SLC2A1: variants seen among roughly 807,000 people sequenced by gnomAD.
SLC2A1 encodes the protein solute carrier family 2, facilitated glucose transporter member 1.
In SLC2A1, 4 loss-of-function variants were observed where a neutral mutation model predicts 46.6. The observed-to-expected ratio is 0.09, with a 90% confidence interval of 0.04 to 0.20. The LOEUF (loss-of-function observed/expected upper bound fraction) is 0.20, where lower values mean the gene tolerates loss of function less well. SLC2A1 is among the 10% of genes least tolerant of loss of function. The probability of loss-of-function intolerance (pLI) is 1.00; values close to 1 mark genes in which losing one functional copy is unlikely to be tolerated. For missense variants in SLC2A1, 352 were observed against 667.0 expected (o/e 0.53, Z 5.20); for synonymous variants, 253 against 270.0 (o/e 0.94, Z 0.62).
rs1049153633 is a variant in SLC2A1, at chr1:42,930,119, G to A, written c.517-84C>T. ...GCCAGAGTGGCCTTCCCTACTTTGT[G>A]TCAGCTGCTGCTTCAGGGAAGGGCC... On this transcript the variant is annotated intron_variant, in intron 4 of 9. Transcript: ENST00000426263. This position sits in a 1 kb window ranked among gnomAD's most constrained non-coding sequence, Gnocchi z 6.2. The A allele has an allele frequency of 6.8e-7, 1 of 1,481,130 alleles. No individual in the cohort carries two copies. Among genetic ancestry groups the A allele is most frequent in the South Asian group, 1.2e-5 (1 of 85,746 alleles). 91.7% of individuals were successfully genotyped at this position (1,481,130 alleles called of 1,614,324 possible). A position where few individuals can be genotyped will look rare whatever the true frequency, so the allele number is the denominator to read the frequency against.
At chr1:42,931,300 CAGGG>C in intron 2 of SLC2A1, 94 bp from the exon 3 acceptor site, 2 of 1,275,254 alleles carry the variant, frequency 1.6e-6, no homozygotes, top group Non-Finnish European at 2.2e-6. Flanking sequence ...AAGAGAGGGC[CAGGG>C]CCTGGCTCTG....
Position 42,929,137 on chromosome 1 carries a change from A to C in SLC2A1, c.972+73T>G, listed in dbSNP as rs1643458960. 1.3e-6 allele frequency: 2 copies of C among 1,560,768 alleles called. No homozygotes were observed. The highest frequency in any genetic ancestry group is 1.8e-6 in the Non-Finnish European group (2 of 1,132,094). On this transcript the variant is annotated intron_variant, in intron 7 of 9. Transcript: ENST00000426263. The surrounding 1 kb of genome is among the most constrained non-coding windows in gnomAD (Gnocchi z 6.0). ...AGCTGAGAAAGTCACAGGGCACTGCAAAGACCAGTGGGGAAGATGGCACTG... is the reference window on the plus strand; with the variant it reads ...AGCTGAGAAAGTCACAGGGCACTGCCAAGACCAGTGGGGAAGATGGCACTG...
In SLC2A1 at chr1:42,925,737, G is replaced by A. The variant is rs1643418828; in HGVS notation, c.*1304C>T. 1 of 152,162 alleles carries A rather than the reference G, an allele frequency of 6.6e-6. No individual in the cohort carries two copies. The highest frequency in any genetic ancestry group is 2.4e-5 in the African/African-American group (1 of 41,424). 9.4% of individuals were successfully genotyped at this position (152,162 alleles called of 1,614,324 possible). On this transcript the variant is annotated 3_prime_UTR_variant, in exon 10 of 10. Coordinates refer to ENST00000426263, the MANE Select transcript of SLC2A1 (RefSeq NM_006516.4). ...GGTGCAGGAGGTGGGTGGAGTTAAT[G>A]GAGTAGTGGTTGTATGGTACCATTG...
In SLC2A1 at chr1:42,958,655, A is replaced by T; in HGVS notation, c.-4T>A. The T allele has an allele frequency of 6.5e-7, 1 of 1,534,398 alleles. No individual in the cohort carries two copies. The highest frequency in any genetic ancestry group is 8.7e-7 in the Non-Finnish European group (1 of 1,144,542). ...TCACCTTGCTGCTGGGCTCCATGGCAGCGCTGCGCTGGTGGCTCTGGCTGC... is the reference window on the plus strand; with the variant it reads ...TCACCTTGCTGCTGGGCTCCATGGCTGCGCTGCGCTGGTGGCTCTGGCTGC... On this transcript the variant is annotated 5_prime_UTR_variant, in exon 1 of 10. Coordinates refer to ENST00000426263, the MANE Select transcript of SLC2A1 (RefSeq NM_006516.4).
chr1:42,956,950 C>A (rs1446257509), intron 1 of SLC2A1, among the ~76,000 whole-genome samples: 2 of 152,220 alleles, frequency 1.3e-5, no homozygotes, highest in Admixed American at 6.5e-5. Context: ...ACCAGCAGGG[C>A]TATAAGGTCC....
intron 2 of SLC2A1, among the ~76,000 whole-genome samples, chr1:42,938,494 T>G (rs1442682838): frequency 6.6e-6 from 1 of 152,208 alleles, no homozygotes; most frequent in Non-Finnish European, 1.5e-5. Flanking sequence ...GTAGTATGAT[T>G]AATTAACCAC....
rs1203803892 is a variant in SLC2A1 at position 42,927,793 on chromosome 1, T to G, written c.1090A>C (p.Met364Leu). Residue 364 changes from methionine to leucine, a missense_variant, in exon 9 of 10, where the codon ATG (methionine) becomes CTG (leucine). Met to Leu is a conservative substitution (Grantham distance 15, BLOSUM62 2). Around this residue, in one of 5 missense-constraint regions of SLC2A1, gnomAD observed 167 missense variants for 280.8 expected, o/e 0.59. Transcript: ENST00000426263. The surrounding 1 kb of genome is among the most constrained non-coding windows in gnomAD (Gnocchi z 5.3). Reference sequence around the variant, plus strand: ...ATGGCCACGATGCTCAGATAGGACATCCAGGGTAGCTGCTCCTGTTGAGGA... The same window carrying G: ...ATGGCCACGATGCTCAGATAGGACAGCCAGGGTAGCTGCTCCTGTTGAGGA... The part of the protein sequence containing the change: ...ALALLEQLPW[M>L]SYLSIVAIFG... 1.9e-6 allele frequency: 3 copies of G among 1,613,078 alleles called. No homozygotes were observed. Among genetic ancestry groups the G allele is most frequent in the Non-Finnish European group, 8.5e-7 (1 of 1,179,496 alleles).
intron 2 of SLC2A1, among the ~76,000 whole-genome samples, chr1:42,932,378 C>A (rs1315769039): frequency 6.6e-6 from 1 of 152,088 alleles, no homozygotes; most frequent in South Asian, 2.1e-4. Context: ...ACCCACCCAG[C>A]CACACGTATA....
intron 1 of SLC2A1, among the ~76,000 whole-genome samples, chr1:42,950,915 C>T (rs960550053): frequency 1.3e-5 from 2 of 152,148 alleles, no homozygotes; most frequent in African/African-American, 4.8e-5. Context: ...GCAGAGGTTG[C>T]AGTGAGCCGA....
intron 1 of SLC2A1, among the ~76,000 whole-genome samples, chr1:42,956,177 C>T (rs549493533): frequency 1.3e-5 from 2 of 152,260 alleles, no homozygotes; most frequent in East Asian, 3.9e-4. Flanking sequence ...TAACTGCTGT[C>T]TTGTATCTAT....
At chr1:42,957,974 T>TC in intron 1 of SLC2A1, among the ~76,000 whole-genome samples, 1 of 152,194 alleles carries the variant, frequency 6.6e-6, no homozygotes, top group East Asian at 2.0e-4. Flanking sequence ...AAGGAGAGCC[T>TC]CCGAGACCGG....
chr1:42,943,164 G>T, intron 2 of SLC2A1, 62 bp downstream of exon 2: 1 of 1,058,514 alleles, frequency 9.4e-7, no homozygotes, highest in South Asian at 1.3e-5. Flanking sequence ...GAGACTGTGG[G>T]CATGTGTGAT....
chr1:42,946,992 G>A (rs984008968), intron 1 of SLC2A1, among the ~76,000 whole-genome samples: 3 of 152,178 alleles, frequency 2.0e-5, no homozygotes, highest in South Asian at 2.1e-4. Context: ...TTGCTGTTAC[G>A]TTTTCTATCA....
chr1:42,939,241 C>T (rs995886144), intron 2 of SLC2A1, among the ~76,000 whole-genome samples: 1 of 152,272 alleles, frequency 6.6e-6, no homozygotes, highest in African/African-American at 2.4e-5. Context: ...TCTGTCCTCT[C>T]TTCACATGTT....
chr1:42,956,432 AAC>A (rs1557655793), intron 1 of SLC2A1, among the ~76,000 whole-genome samples: 1 of 73,232 alleles, frequency 1.4e-5, no homozygotes, highest in Non-Finnish European at 2.6e-5. Context: ...AAAAAAAAAA[AAC>A]ATTAGCTGGG....
chr1:42,929,455 A>T lies in SLC2A1; in HGVS notation c.867+138T>A. The stretch of plus-strand genomic sequence containing the variant: ...GCAGAAGGGACACTGCACTGCAGTG[A>T]CCTTACGGGCTTGGGGTCTAAAGGG... On this transcript the variant is annotated intron_variant, in intron 6 of 9. Coordinates refer to ENST00000426263, the MANE Select transcript of SLC2A1 (RefSeq NM_006516.4). The surrounding 1 kb of genome is among the most constrained non-coding windows in gnomAD (Gnocchi z 6.0). The T allele has an allele frequency of 1.9e-6, 2 of 1,080,194 alleles. No homozygotes were observed. Among genetic ancestry groups the T allele is most frequent in the Non-Finnish European group, 2.8e-6 (2 of 709,514 alleles). 66.9% of individuals were successfully genotyped at this position (1,080,194 alleles called of 1,614,324 possible).
intron 1 of SLC2A1, among the ~76,000 whole-genome samples, chr1:42,944,778 C>T (rs955896546): frequency 3.3e-5 from 5 of 152,174 alleles, no homozygotes; most frequent in African/African-American, 1.2e-4. Context: ...GTCTACCTGA[C>T]CCCTTAGCCT....
At position 42,927,565 on chromosome 1, in the gene SLC2A1, C is replaced by A; in HGVS notation, c.1278+40G>T. On this transcript the variant is annotated intron_variant, in intron 9 of 9. Coordinates refer to ENST00000426263, the MANE Select transcript of SLC2A1 (RefSeq NM_006516.4). The surrounding 1 kb of genome is among the most constrained non-coding windows in gnomAD (Gnocchi z 5.3). ...AGCACTTTGCACAGCACTGTGGGGT[C>A]ATGCGTGCGGGTGAGTATAGAGACA... is the stretch of plus-strand genomic sequence containing the variant. 1.2e-6 allele frequency: 1 copy of A among 826,532 alleles called. No homozygotes were observed. The highest frequency in any genetic ancestry group is 1.9e-5 in the South Asian group (1 of 51,870). 51.2% of individuals were successfully genotyped at this position (826,532 alleles called of 1,614,324 possible). A position where few individuals can be genotyped will look rare whatever the true frequency, so the allele number is the denominator to read the frequency against.
At chr1:42,947,579 CACAAAAAAAAA>C (rs1643670964) in intron 1 of SLC2A1, among the ~76,000 whole-genome samples, 2 of 28,586 alleles carry the variant, frequency 7.0e-5, no homozygotes, top group Admixed American at 3.7e-4. Context: ...CACACACACA[CACAAAAAAAAA>C]AAAAAAAAAA....
Sources: allele counts gnomAD v4.1 joint callset (sites outside exome capture counted in the v4.1 genomes callset), GRCh38; gene constraint gnomAD v4.1.1; regional missense constraint gnomAD v4.1.1; non-coding constraint Gnocchi (gnomAD v3.1); transcripts MANE v1.5; gene names NCBI Gene and HGNC (gene_info 2026-07-23, HGNC 2026-07-21).